Variants in PTPRD observed in about 807,000 individuals in gnomAD.
PTPRD encodes protein tyrosine phosphatase receptor type D, also known as receptor-type tyrosine-protein phosphatase delta.
A neutral mutation model predicts 214.5 loss-of-function variants in PTPRD; 34 were observed. The ratio of observed to expected loss-of-function variants is 0.16; its 90% CI spans 0.12 to 0.21. The LOEUF (loss-of-function observed/expected upper bound fraction) is 0.21. PTPRD is among the 10% of genes least tolerant of loss of function. The pLI, the probability that PTPRD is intolerant of heterozygous loss-of-function variation, is 1.00. For missense variants in PTPRD, 2,545 were observed against 2,398.7 expected, an observed-to-expected ratio of 1.06 and a Z score of -1.27; for synonymous variants, 1,128 against 845.7, an observed-to-expected ratio of 1.33 and a Z score of -5.79.
At chr9:9,190,500 G>GC (rs977120842) in intron 9 of PTPRD, among the ~76,000 whole-genome samples, 17 of 151,892 alleles carry the variant, frequency 1.1e-4, no homozygotes, top group Admixed American at 5.3e-4. Flanking sequence ...TGATTCTGAG[G>GC]CCCCCCCAGC....
intron 3 of PTPRD, among the ~76,000 whole-genome samples, chr9:10,091,209 G>A (rs1438464270): frequency 6.6e-6 from 1 of 151,346 alleles, no homozygotes; most frequent in African/African-American, 2.4e-5. Context: ...TATTAATTAT[G>A]GCATAATTTG....
At chr9:10,087,888 A>G (rs1384314774) in intron 3 of PTPRD, among the ~76,000 whole-genome samples, 1 of 151,760 alleles carries the variant, frequency 6.6e-6, no homozygotes, top group African/African-American at 2.4e-5. Context: ...TCAATGTAAT[A>G]CTTCTCATGT....
At position 9,572,550 on chromosome 9, in the gene PTPRD, CATATATATATGTATATATAT is replaced by C. The variant is rs1290747247; in HGVS notation, c.-237+2162_-237+2181del. ...ATCCTCTATTGGATATATACAATGG[CATATATATATGTATATATAT>C]ATATATATATGTGTATATATATGTA... On this transcript the variant is annotated intron_variant, in intron 8 of 45. Coordinates refer to ENST00000381196, the MANE Select transcript of PTPRD (RefSeq NM_002839.4). Among the ~76,000 whole-genome samples, 7 of 121,160 alleles carry C rather than the reference CATATATATATGTATATATAT, an allele frequency of 5.8e-5. No individual in the cohort carries two copies. In the South Asian group the frequency reaches 1.4e-3, roughly 24 times the overall value. The allele number at this position is 121,160 out of a possible 152,430, so 79.5% of individuals were successfully genotyped here.
chr9:10,325,950 A>G (rs901794958), intron 3 of PTPRD, among the ~76,000 whole-genome samples: 1 of 151,922 alleles, frequency 6.6e-6, no homozygotes, highest in Non-Finnish European at 1.5e-5. Flanking sequence ...TAACAAACAG[A>G]AACTGCTTTC....
intron 44 of PTPRD, among the ~76,000 whole-genome samples, chr9:8,323,377 T>C (rs560103197): frequency 2.2e-4 from 34 of 152,342 alleles, no homozygotes; most frequent in African/African-American, 6.3e-4. Flanking sequence ...TATAAGGCTA[T>C]ACATTCTATA....
intron 9 of PTPRD, among the ~76,000 whole-genome samples, chr9:9,347,016 C>T (rs1400969157): frequency 6.6e-6 from 1 of 151,908 alleles, no homozygotes; most frequent in African/African-American, 2.4e-5. Flanking sequence ...TAACACAGCC[C>T]CTGGGGCAGG....
At chr9:9,709,985 T>G (rs2097695429) in intron 7 of PTPRD, among the ~76,000 whole-genome samples, 1 of 152,014 alleles carries the variant, frequency 6.6e-6, no homozygotes, top group Non-Finnish European at 1.5e-5. Context: ...GCGCTATAGT[T>G]CAGTGAATAG....
intron 7 of PTPRD, among the ~76,000 whole-genome samples, chr9:9,613,125 TAC>T (rs1327318827): frequency 0.036 from 1,511 of 42,048 alleles, 147 homozygotes; most frequent in African/African-American, 0.098. Context: ...GGCTGCAGTA[TAC>T]ATACATACAT....
At chr9:8,837,493 C>T (rs922950333) in intron 11 of PTPRD, among the ~76,000 whole-genome samples, 4 of 135,408 alleles carry the variant, frequency 3.0e-5, no homozygotes, top group East Asian at 3.9e-4. Flanking sequence ...TTTTCTCTTC[C>T]TTTTTTTGTT....
At chr9:9,000,233 C>T (rs146426166) in intron 11 of PTPRD, among the ~76,000 whole-genome samples, 19 of 152,166 alleles carry the variant, frequency 1.2e-4, no homozygotes, top group African/African-American at 4.6e-4. Flanking sequence ...TTTAGAACGG[C>T]AGTCCTGCTA....
chr9:9,868,352 C>G (rs960886762), intron 5 of PTPRD, among the ~76,000 whole-genome samples: 1 of 151,910 alleles, frequency 6.6e-6, no homozygotes, highest in Non-Finnish European at 1.5e-5. Context: ...GTCCAAAATG[C>G]TTTTCTGGAA....
In PTPRD at chr9:9,783,132, T is replaced by C. The variant is rs368934054; in HGVS notation, c.-367-16281A>G. Among the ~76,000 whole-genome samples, 516 of 152,330 alleles carry C rather than the reference T, an allele frequency of 3.4e-3. 2 individuals carry two copies. Among genetic ancestry groups the C allele is most frequent in the African/African-American group, 0.012 (490 of 41,586 alleles). On this transcript the variant is annotated intron_variant, in intron 5 of 45. Coordinates refer to ENST00000381196, the MANE Select transcript of PTPRD (RefSeq NM_002839.4). ...AAAAAGACTAATGTTGAAACTTTTC[T>C]CCCACGCAACAGTAATTCTTAAAGT...
rs201296779 is a variant in PTPRD at position 8,758,447 on chromosome 9, T to TA, written c.-103-24502dup. On this transcript the variant is annotated intron_variant, in intron 11 of 45. Transcript: ENST00000381196. Reference sequence around the variant, plus strand: ...TATGATATTTGATATCATTTTGTTTTAAAAAATAAAAAGCTATGAGTTTAC... The same window carrying TA: ...TATGATATTTGATATCATTTTGTTTTAAAAAAATAAAAAGCTATGAGTTTAC... Among the ~76,000 whole-genome samples the TA allele has an allele frequency of 5.0e-3, 758 of 152,200 alleles. 6 individuals carry two copies. The highest frequency in any genetic ancestry group is 0.018 in the African/African-American group (730 of 41,550).
At chr9:9,297,272 T>C (rs370470419) in intron 9 of PTPRD, among the ~76,000 whole-genome samples, 2 of 151,800 alleles carry the variant, frequency 1.3e-5, no homozygotes, top group South Asian at 2.1e-4. Context: ...AAAATAATTG[T>C]TTCTATTTTT....
chr9:9,846,205 C>T (rs1010162209), intron 5 of PTPRD, among the ~76,000 whole-genome samples: 1 of 152,086 alleles, frequency 6.6e-6, no homozygotes, highest in African/African-American at 2.4e-5. Context: ...ACCCAAATCA[C>T]CCCTAGATTG....
chr9:8,931,283 A>G (rs2098950601), intron 11 of PTPRD, among the ~76,000 whole-genome samples: 1 of 151,766 alleles, frequency 6.6e-6, no homozygotes, highest in African/African-American at 2.4e-5. Context: ...GATGTGTGGT[A>G]TTATTTTTGA....
At chr9:10,608,087 A>G (rs533840025) in intron 2 of PTPRD, among the ~76,000 whole-genome samples, 1 of 152,108 alleles carries the variant, frequency 6.6e-6, no homozygotes, top group South Asian at 2.1e-4. Flanking sequence ...AATTTTTTCT[A>G]TGGTTCTTTC....
At chr9:8,875,561 A>G (rs1337593420) in intron 11 of PTPRD, among the ~76,000 whole-genome samples, 2 of 152,220 alleles carry the variant, frequency 1.3e-5, no homozygotes, top group African/African-American at 2.4e-5. Context: ...TATTTCAAGC[A>G]TAAGGTAAAC....
At chr9:10,076,197 T>G (rs1291320943) in intron 3 of PTPRD, among the ~76,000 whole-genome samples, 1 of 152,124 alleles carries the variant, frequency 6.6e-6, no homozygotes, top group Non-Finnish European at 1.5e-5. Flanking sequence ...TTGCACTGCC[T>G]GCCGCCTCTA....
Sources: gnomAD v4.1 joint callset for allele counts (sites outside exome capture counted in the v4.1 genomes callset) on GRCh38, gnomAD v4.1.1 for gene constraint, MANE v1.5 for transcripts, NCBI Gene and HGNC (gene_info 2026-07-23, HGNC 2026-07-21) for gene names.